The following ABR variants were observed in gnomAD, a reference collection of about 807,000 sequenced individuals.
ABR encodes ABR activator of RhoGEF and GTPase.
In ABR, 35 loss-of-function variants were observed where a neutral mutation model predicts 107.2. That is an observed-to-expected ratio of 0.33 (90% confidence interval 0.25 to 0.43). The LOEUF (loss-of-function observed/expected upper bound fraction) is 0.43. Among genes scored for constraint, ABR ranks in the 20% least tolerant of loss-of-function variants. The probability of loss-of-function intolerance (pLI) is 1.00; values close to 1 mark genes in which losing one functional copy is unlikely to be tolerated. For synonymous variants in ABR, 498 were observed against 462.0 expected (o/e 1.08, Z -1.00); for missense variants, 815 against 1,115.2 (o/e 0.73, Z 3.83).
chr17:1,214,672 A>G lies in ABR; in HGVS notation c.838+14121T>C, dbSNP rs188207640. Among the ~76,000 whole-genome samples, 574 of 152,212 alleles carry G rather than the reference A, an allele frequency of 3.8e-3. 4 individuals carry two copies. The highest frequency in any genetic ancestry group is 0.013 in the African/African-American group (553 of 41,546). On this transcript the variant is annotated intron_variant, in intron 1 of 22. Transcript: ENST00000574139. Reference sequence around the variant, plus strand: ...CAAAATTAGCCAGGCGTAGTGGCACATGCCTGTAATCCCAGCTACTCGGGA... The same window carrying G: ...CAAAATTAGCCAGGCGTAGTGGCACGTGCCTGTAATCCCAGCTACTCGGGA...
At position 1,012,807 on chromosome 17, in the gene ABR, G is replaced by A; in HGVS notation, c.1852-10C>T. On this transcript the variant is annotated splice_polypyrimidine_tract_variant and intron_variant, in intron 17 of 22. Coordinates refer to ENST00000302538, the MANE Select transcript of ABR (RefSeq NM_021962.5). ...AAAATTCCACTTTGATCTGGTTGGGGGGTGAGGCAGGTAAAGATTCCCCAG... is the reference window on the plus strand; with the variant it reads ...AAAATTCCACTTTGATCTGGTTGGGAGGTGAGGCAGGTAAAGATTCCCCAG... 6.4e-7 allele frequency: 1 copy of A among 1,561,856 alleles called. No individual in the cohort carries two copies. The highest frequency in any genetic ancestry group is 1.3e-5 in the African/African-American group (1 of 74,100).
chr17:1,197,557 C>A (rs948525851), intron 1 of ABR, among the ~76,000 whole-genome samples: 5 of 151,564 alleles, frequency 3.3e-5, no homozygotes, highest in African/African-American at 9.8e-5. Flanking sequence ...TTGCCCAAAC[C>A]CCTGCATGAG....
chr17:1,079,513 GTGTGGCGGCTCACGCC>G, intron 5 of ABR, 123 bp from the exon 6 acceptor site: 1 of 915,546 alleles, frequency 1.1e-6, no homozygotes. Flanking sequence ...CAGAGGCCGG[GTGTGGCGGCTCACGCC>G]AGTCATCCCA....
At chr17:1,021,801 A>G (rs931364170) in intron 16 of ABR, among the ~76,000 whole-genome samples, 2 of 146,724 alleles carry the variant, frequency 1.4e-5, no homozygotes, top group Non-Finnish European at 3.0e-5. Context: ...AGAAAAAAAA[A>G]AAAAATGCTT....
intron 16 of ABR, among the ~76,000 whole-genome samples, chr17:1,024,046 A>AAAAAAAAC: frequency 6.6e-6 from 1 of 150,380 alleles, no homozygotes. Flanking sequence ...AAAAAAAAAA[A>AAAAAAAAC]AAAGCAGCAT....
intron 6 of ABR, among the ~76,000 whole-genome samples, chr17:1,073,986 T>A (rs2035480024): frequency 9.4e-6 from 1 of 106,544 alleles, no homozygotes; most frequent in Non-Finnish European, 1.9e-5. Flanking sequence ...CTCACCTGGC[T>A]CAAGGCAGAT....
rs778113787 is a variant in ABR at position 1,084,503 on chromosome 17, G to T, written c.532-876C>A. ...AAAGCCCCAGCCTCACTACACGTTT[G>T]CCTGTCACTCACACAGTCACAACCT... On this transcript the variant is annotated intron_variant, in intron 4 of 22. Transcript: ENST00000302538. This position sits in a 1 kb window ranked among gnomAD's most constrained non-coding sequence, Gnocchi z 4.2. Among the ~76,000 whole-genome samples the T allele has an allele frequency of 1.4e-4, 22 of 152,174 alleles. No individual in the cohort carries two copies. Among genetic ancestry groups the T allele is most frequent in the Non-Finnish European group, 2.5e-4 (17 of 68,028 alleles).
intron 3 of ABR, among the ~76,000 whole-genome samples, chr17:1,094,476 T>C (rs1271411784): frequency 6.6e-6 from 1 of 151,764 alleles, no homozygotes; most frequent in Non-Finnish European, 1.5e-5. Context: ...GTTCAAGCGA[T>C]TCTCCTGCCT....
chr17:1,004,814 G>A lies in ABR; in HGVS notation c.*1266C>T. ...CCCAAAAGGCTGTATCCAGAAGCTG[G>A]GGCGGCACCACAATGGCTGGCCACC... On this transcript the variant is annotated 3_prime_UTR_variant, in exon 23 of 23. Transcript: ENST00000302538. The A allele has an allele frequency of 2.6e-6, 1 of 385,420 alleles. No individual in the cohort carries two copies. Among genetic ancestry groups the A allele is most frequent in the Non-Finnish European group, 4.6e-6 (1 of 217,722 alleles). The allele number at this position is 385,420 out of a possible 1,614,324, so 23.9% of individuals were successfully genotyped here. A position where few individuals can be genotyped will look rare whatever the true frequency, so the allele number is the denominator to read the frequency against.
At chr17:1,183,301 C>T (rs925687639), upstream of ABR, among the ~76,000 whole-genome samples, 12 of 152,096 alleles carry the variant, frequency 7.9e-5, no homozygotes, top group African/African-American at 2.7e-4. Flanking sequence ...GTGCTCTCCA[C>T]CCTCCCAGCC....
intron 12 of ABR, among the ~76,000 whole-genome samples, chr17:1,057,453 C>T (rs1402956254): frequency 6.6e-6 from 1 of 151,720 alleles, no homozygotes; most frequent in Non-Finnish European, 1.5e-5. Flanking sequence ...TCTCAGCTCA[C>T]TGCAACCTCC....
chr17:1,022,655 A>G (rs1275905150), intron 16 of ABR: 2 of 154,486 alleles, frequency 1.3e-5, no homozygotes, highest in Non-Finnish European at 2.9e-5. Flanking sequence ...ACATCTTCCC[A>G]TGGCTTGGCA....
rs2151554508 is a variant in ABR, at chr17:1,157,557, C to T, written c.61+22110G>A. ...TGAGCCACCGCGCCCGACCTCAGTG[C>T]ACACAGTTCTAACATGCCTAGGGGG... On this transcript the variant is annotated intron_variant, in intron 1 of 22. Transcript: ENST00000302538. The surrounding 1 kb of genome is among the most constrained non-coding windows in gnomAD (Gnocchi z 4.7). Among the ~76,000 whole-genome samples the T allele has an allele frequency of 6.6e-6, 1 of 152,266 alleles. No homozygotes were observed. The highest frequency in any genetic ancestry group is 2.1e-4 in the South Asian group (1 of 4,820).
chr17:1,221,417 G>T (rs2043118107), intron 1 of ABR, among the ~76,000 whole-genome samples: 1 of 152,210 alleles, frequency 6.6e-6, no homozygotes, highest in African/African-American at 2.4e-5. Flanking sequence ...GGACCAGGAG[G>T]TGAGCTTGAG....
Position 1,118,077 on chromosome 17 carries a change from T to C in ABR, c.246+7106A>G, listed in dbSNP as rs1286596775. Among the ~76,000 whole-genome samples the C allele has an allele frequency of 1.1e-3, 33 of 30,368 alleles. 3 individuals are homozygous for C. The highest frequency in any genetic ancestry group is 3.4e-3 in the East Asian group (4 of 1,186). The allele number at this position is 30,368 out of a possible 152,430, so 19.9% of individuals were successfully genotyped here. A position where few individuals can be genotyped will look rare whatever the true frequency, so the allele number is the denominator to read the frequency against. ...AGCGTTATCCCTGAGCCTGAGTCCTTCCCAGCGTTATCCCTGAGCCTGAGT... is the reference window on the plus strand; with the variant it reads ...AGCGTTATCCCTGAGCCTGAGTCCTCCCCAGCGTTATCCCTGAGCCTGAGT... On this transcript the variant is annotated intron_variant, in intron 2 of 22. Coordinates refer to ENST00000302538, the MANE Select transcript of ABR (RefSeq NM_021962.5).
At chr17:1,222,402 G>A (rs1323243169) in intron 1 of ABR, among the ~76,000 whole-genome samples, 1 of 152,020 alleles carries the variant, frequency 6.6e-6, no homozygotes, top group African/African-American at 2.4e-5. Context: ...TCACAATAGG[G>A]ATGGGAAAAA....
intron 21 of ABR, among the ~76,000 whole-genome samples, chr17:1,007,550 G>A (rs2070153023): frequency 6.6e-6 from 1 of 152,214 alleles, no homozygotes; most frequent in Non-Finnish European, 1.5e-5. Flanking sequence ...CCCCTGAACT[G>A]ATGGTGAACT....
intron 16 of ABR, among the ~76,000 whole-genome samples, chr17:1,016,906 C>T (rs1280243558): frequency 1.3e-5 from 2 of 152,164 alleles, no homozygotes; most frequent in Admixed American, 6.5e-5. Context: ...ACTGTCATCA[C>T]GGAAGGGAAA....
chr17:1,136,377 C>T (rs1412218894), intron 1 of ABR, among the ~76,000 whole-genome samples: 2 of 152,174 alleles, frequency 1.3e-5, no homozygotes, highest in Non-Finnish European at 2.9e-5. Flanking sequence ...TACAGATGTG[C>T]ACCACCAGGC....
Sources: gnomAD v4.1 joint callset for allele counts (sites outside exome capture counted in the v4.1 genomes callset) on GRCh38, gnomAD v4.1.1 for gene constraint, Gnocchi (gnomAD v3.1) non-coding constraint, MANE v1.5 for transcripts, NCBI Gene and HGNC (gene_info 2026-07-23, HGNC 2026-07-21) for gene names.